The following KIF4A variants were observed in gnomAD, a reference collection of about 807,000 sequenced individuals.
KIF4A encodes the protein kinesin family member 4A, also known as chromosome-associated kinesin KIF4A.
Under a neutral mutation model 105.9 loss-of-function variants are expected in KIF4A, and 7 were observed. The ratio of observed to expected loss-of-function variants is 0.07; its 90% confidence interval spans 0.04 to 0.12. KIF4A has a LOEUF of 0.12. Among genes scored for constraint, KIF4A ranks in the 10% least tolerant of loss-of-function variants. The probability of loss-of-function intolerance (pLI) is 1.00; values close to 1 mark genes in which losing one functional copy is unlikely to be tolerated. For missense variants in KIF4A, 558 were observed against 929.2 expected, an observed-to-expected ratio of 0.60 and a Z score of 5.19; for synonymous variants, 281 against 331.3, an observed-to-expected ratio of 0.85 and a Z score of 1.65.
intron 15 of KIF4A, among the ~76,000 whole-genome samples, chrX:70,370,371 T>C (rs1336433216): frequency 9.2e-6 from 1 of 109,185 alleles, no homozygotes; most frequent in African/African-American, 3.3e-5. Flanking sequence ...GACTTGACCT[T>C]TACAAGTATT....
At position 70,343,683 on chromosome X, in the gene KIF4A, C is replaced by T; in HGVS notation, c.1267-20C>T. 8.3e-7 allele frequency: 1 copy of T among 1,206,273 alleles called. No individual in the cohort carries two copies. The highest frequency in any genetic ancestry group is 1.1e-6 in the Non-Finnish European group (1 of 890,659). On this transcript the variant is annotated intron_variant, in intron 11 of 30. Transcript: ENST00000374403. ...GCTGTCAGGCACCGCCACTGATGATCTCCTGGGTCTTTGTTGCAGACAGAG... is the reference window on the plus strand; with the variant it reads ...GCTGTCAGGCACCGCCACTGATGATTTCCTGGGTCTTTGTTGCAGACAGAG...
At chrX:70,322,093 C>G (rs372550824) in intron 7 of KIF4A, among the ~76,000 whole-genome samples, 11 of 109,960 alleles carry the variant, frequency 1.0e-4, no homozygotes, top group South Asian at 4.0e-4. Context: ...ACCCTCCCCC[C>G]CCAAAGTGGT....
chrX:70,386,922 G>A lies in KIF4A; in HGVS notation c.2118+221G>A, dbSNP rs781741468. Among the ~76,000 whole-genome samples the A allele has an allele frequency of 1.1e-4, 12 of 111,515 alleles. No homozygotes were observed. In the East Asian group the frequency reaches 2.8e-3, roughly 26 times the overall value. ...AATAAGGATTTTTTCCTAACTGGACGTGAGCCTTTCCTGAAAAAACAAAGT... is the reference window on the plus strand; with the variant it reads ...AATAAGGATTTTTTCCTAACTGGACATGAGCCTTTCCTGAAAAAACAAAGT... On this transcript the variant is annotated intron_variant, in intron 19 of 30. Transcript: ENST00000374403.
At chrX:70,387,713 C>A (rs985137070) in intron 20 of KIF4A, among the ~76,000 whole-genome samples, 12 of 111,379 alleles carry the variant, frequency 1.1e-4, no homozygotes, top group Non-Finnish European at 2.1e-4. Context: ...ACTAAAAATA[C>A]AAAAATTAGC....
intron 9 of KIF4A, among the ~76,000 whole-genome samples, chrX:70,333,085 GC>G (rs1178629895): frequency 9.0e-6 from 1 of 110,694 alleles, no homozygotes; most frequent in East Asian, 2.8e-4. Context: ...ACATGTGTAA[GC>G]CCCGCACTTT....
chrX:70,405,861 G>C lies in KIF4A; in HGVS notation c.2932G>C (p.Glu978Gln). The C allele has an allele frequency of 8.3e-7, 1 of 1,209,523 alleles. No homozygotes were observed. Among genetic ancestry groups the C allele is most frequent in the Admixed American group, 2.2e-5 (1 of 45,939 alleles). ...ACTTGAGAAAATGCGAGAAGTGTGT[G>C]AGCAAAATCAGCAGCTTCTCCGAGA... Reference protein sequence around the residue: ...EELEKMREVCEQNQQLLRENE... With the variant: ...EELEKMREVCQQNQQLLRENE... The change falls in exon 26 of 31, where the codon GAG becomes CAG. Residue 978 changes from glutamate to glutamine, a missense_variant. Physicochemically the swap from Glu to Gln is conservative, Grantham distance 29. Transcript: ENST00000374403.
chrX:70,375,060 G>A lies in KIF4A; in HGVS notation c.1779-144G>A, dbSNP rs763232072. 8.6e-5 allele frequency: 54 copies of A among 626,676 alleles called. No homozygotes were observed. The South Asian group carries it at 1.9e-3, about 22-fold the overall frequency. The allele number at this position is 626,676 out of a possible 1,213,427, so 51.6% of individuals were successfully genotyped here. ...TATTGAGACAGGTTTGGTTGTTTGGGTGGTATTCTTTTTTTAAGATGGCTA... is the reference window on the plus strand; with the variant it reads ...TATTGAGACAGGTTTGGTTGTTTGGATGGTATTCTTTTTTTAAGATGGCTA... On this transcript the variant is annotated intron_variant, in intron 16 of 30. Transcript: ENST00000374403.
chrX:70,349,631 C>A (rs964199116), intron 13 of KIF4A, among the ~76,000 whole-genome samples: 1 of 92,532 alleles, frequency 1.1e-5, no homozygotes, highest in Non-Finnish European at 2.1e-5. Context: ...CGGGCAGAGG[C>A]GCTCCTCACT....
At chrX:70,329,130 ATGG>A (rs1269949074) in intron 7 of KIF4A, among the ~76,000 whole-genome samples, 1 of 112,108 alleles carries the variant, frequency 8.9e-6, no homozygotes, top group African/African-American at 3.2e-5. Flanking sequence ...AACTATACAG[ATGG>A]TTGTCATGGT....
At chrX:70,355,966 AT>A (rs1386421843) in intron 15 of KIF4A, among the ~76,000 whole-genome samples, 1 of 111,437 alleles carries the variant, frequency 9.0e-6, no homozygotes, top group Non-Finnish European at 1.9e-5. Flanking sequence ...GCCAATAGAG[AT>A]TTTTTTCCCT....
At chrX:70,343,614 C>T in intron 11 of KIF4A, 89 bp from the exon 12 acceptor site, 1 of 820,509 alleles carries the variant, frequency 1.2e-6, no homozygotes, top group African/African-American at 2.0e-5. Context: ...AGCCTCTCTA[C>T]CTAGCTTTTA....
Position 70,420,545 on chromosome X carries a change from G to A in KIF4A, c.*280G>A. 7.0e-6 allele frequency: 2 copies of A among 284,239 alleles called. No individual in the cohort carries two copies. Among genetic ancestry groups the A allele is most frequent in the Non-Finnish European group, 1.3e-5 (2 of 156,703 alleles). 23.4% of individuals were successfully genotyped at this position (284,239 alleles called of 1,213,427 possible). On this transcript the variant is annotated 3_prime_UTR_variant, in exon 31 of 31. Coordinates refer to ENST00000374403, the MANE Select transcript of KIF4A (RefSeq NM_012310.5). ...TCATCAGGAACCAGTCCTCAGTCTG[G>A]TCAAGTTGTTTCTTATTTGTGAGCA... is the stretch of plus-strand genomic sequence containing the variant.
At chrX:70,307,000 T>C (rs1392908983) in intron 7 of KIF4A, among the ~76,000 whole-genome samples, 3 of 109,003 alleles carry the variant, frequency 2.8e-5, no homozygotes, top group African/African-American at 1.0e-4. Flanking sequence ...GATTTTTAAT[T>C]TTTTTTTGTA....
chrX:70,378,388 G>A (rs759313330), intron 18 of KIF4A, among the ~76,000 whole-genome samples: 3 of 111,230 alleles, frequency 2.7e-5, no homozygotes, highest in African/African-American at 9.8e-5. Flanking sequence ...AAAAAAGAGA[G>A]CAAACTAAAC....
At chrX:70,300,514 A>G (rs201336072) in intron 5 of KIF4A, among the ~76,000 whole-genome samples, 6 of 111,658 alleles carry the variant, frequency 5.4e-5, no homozygotes, top group East Asian at 5.6e-4. Context: ...TTCTTATGGT[A>G]AGGAATAGCT....
chrX:70,321,583 C>T (rs2085890396), intron 7 of KIF4A, among the ~76,000 whole-genome samples: 1 of 111,663 alleles, frequency 9.0e-6, no homozygotes, highest in Non-Finnish European at 1.9e-5. Context: ...ATTTTCTCCC[C>T]ACTGCCTCAG....
At chrX:70,347,570 T>G (rs1307488115) in intron 13 of KIF4A, among the ~76,000 whole-genome samples, 1 of 112,020 alleles carries the variant, frequency 8.9e-6, no homozygotes, top group Non-Finnish European at 1.9e-5. Flanking sequence ...CAAAGGCCAG[T>G]GTTTTAGGCC....
intron 13 of KIF4A, among the ~76,000 whole-genome samples, chrX:70,348,537 T>G (rs2086003484): frequency 9.0e-6 from 1 of 110,621 alleles, no homozygotes; most frequent in Admixed American, 9.6e-5. Context: ...TACTTGAGAT[T>G]AGGGAGTGAT....
rs1427129347 is a variant in KIF4A, at chrX:70,420,080, G to A, written c.3514G>A (p.Asp1172Asn). Residue 1172 changes from aspartate to asparagine, a missense_variant, in exon 31 of 31, where the codon GAT becomes AAT. Coordinates refer to ENST00000374403, the MANE Select transcript of KIF4A (RefSeq NM_012310.5). ...CTCCTAGATCCTGAAAGAGATGTGCGATGTGGAGCAGGTGCTGTCAAAGAA... is the reference window on the plus strand; with the variant it reads ...CTCCTAGATCCTGAAAGAGATGTGCAATGTGGAGCAGGTGCTGTCAAAGAA... ...PNSKILKEMC[D>N]VEQVLSKKTP... is the part of the protein sequence containing the mutation. 1.2e-5 allele frequency: 15 copies of A among 1,210,771 alleles called. No homozygotes were observed. The highest frequency in any genetic ancestry group is 2.2e-5 in the Admixed American group (1 of 45,922).
Sources: gnomAD v4.1 joint callset for allele counts (sites outside exome capture counted in the v4.1 genomes callset) on GRCh38, gnomAD v4.1.1 for gene constraint, MANE v1.5 for transcripts, NCBI Gene and HGNC (gene_info 2026-07-23, HGNC 2026-07-21) for gene names.